Variants in PIGS observed in about 807,000 individuals in gnomAD.
PIGS encodes phosphatidylinositol glycan anchor biosynthesis class S, also known as GPI-anchor transamidase component PIGS.
PIGS carries 37 observed loss-of-function variants against 58.2 expected under a neutral mutation model. The observed-to-expected ratio is 0.64, with a 90% CI of 0.49 to 0.84. The LOEUF (loss-of-function observed/expected upper bound fraction) is 0.84, where lower values mean the gene tolerates loss of function less well. Ranked by LOEUF, PIGS falls within the 40% of genes least tolerant of loss-of-function variation. PIGS has a pLI of 0.00. For missense variants in PIGS, 629 were observed against 710.8 expected (o/e 0.88, Z 1.31); for synonymous variants, 269 against 289.2 (o/e 0.93, Z 0.71).
chr17:28,559,952 T>C, intron 7 of PIGS, 97 bp downstream of exon 7: 1 of 1,449,316 alleles, frequency 6.9e-7, no homozygotes, highest in Non-Finnish European at 9.3e-7. Flanking sequence ...AGGAAATTCC[T>C]AGCAAATCAG....
chr17:28,558,335 C>T, intron 8 of PIGS, 141 bp downstream of exon 8: 1 of 685,740 alleles, frequency 1.5e-6, no homozygotes, highest in Non-Finnish European at 2.5e-6. Context: ...CCTCAATCTC[C>T]ACAGTCTCCT....
chr17:28,555,303 C>G (rs1312956830), intron 10 of PIGS: 4 of 493,252 alleles, frequency 8.1e-6, no homozygotes, highest in African/African-American at 6.0e-5. Context: ...TTTCCAAGAT[C>G]TTGTTTTTTA....
In PIGS at chr17:28,554,973, C is replaced by G; in HGVS notation, c.1270G>C (p.Asp424His). ...TSEGLMTWEL[D>H]RLLWARSVEN... ...ACTGACCGAGCCCAGAGCAGCCGGT[C>G]TAGCTCCCAGGTCATTAGCCCTTCA... Residue 424 changes from aspartate to histidine, a missense_variant, in exon 11 of 12, where the codon GAC (aspartate) becomes CAC (histidine). Asp to His is a moderately conservative substitution (Grantham distance 81). Transcript: ENST00000308360. 2 of 1,611,602 alleles carry G rather than the reference C, an allele frequency of 1.2e-6. No individual in the cohort carries two copies. Among genetic ancestry groups the G allele is most frequent in the South Asian group, 1.1e-5 (1 of 90,720 alleles).
intron 9 of PIGS, 185 bp downstream of exon 9, chr17:28,556,642 G>A: frequency 1.3e-6 from 1 of 768,352 alleles, no homozygotes; most frequent in Admixed American, 2.8e-5. Flanking sequence ...AACACTGGCG[G>A]AAACAAAAGT....
chr17:28,561,759 T>G, intron 5 of PIGS, 130 bp from the exon 6 acceptor site: 1 of 816,022 alleles, frequency 1.2e-6, no homozygotes, highest in Non-Finnish European at 1.9e-6. Context: ...TTGAGATTCA[T>G]GAGCTATTAA....
At position 28,571,138 on chromosome 17, in the gene PIGS, C is replaced by A. The variant is rs866156776; in HGVS notation, c.85G>T (p.Val29Leu). ...TTCCACCAGAGCGGTAGCCCCAGCA[C>A]GATGGCCACCGCAGCGAAGAAGAGG... ...AALFFAAVAI[V>L]LGLPLWWKTT... Residue 29 changes from valine to leucine, a missense_variant, in exon 2 of 12, where the codon GTG (valine) becomes TTG (leucine). Physicochemically the swap from Val to Leu is conservative, Grantham distance 32 (BLOSUM62 1). Coordinates refer to ENST00000308360, the MANE Select transcript of PIGS (RefSeq NM_033198.4). 1 of 1,613,842 alleles carries A rather than the reference C, an allele frequency of 6.2e-7. No individual in the cohort carries two copies. Among genetic ancestry groups the A allele is most frequent in the Middle Eastern group, 1.6e-4 (1 of 6,062 alleles).
intron 10 of PIGS, 133 bp downstream of exon 10, chr17:28,556,033 A>C: frequency 2.7e-6 from 2 of 744,260 alleles, no homozygotes; most frequent in African/African-American, 1.8e-5. Flanking sequence ...GGATCCTTAG[A>C]AACTTTTCTT....
chr17:28,558,683 A>G, intron 7 of PIGS, 93 bp from the exon 8 acceptor site: 2 of 978,088 alleles, frequency 2.0e-6, no homozygotes, highest in South Asian at 3.0e-5. Flanking sequence ...AGACACAATC[A>G]GGACAAGGCA....
At position 28,563,381 on chromosome 17, in the gene PIGS, T is replaced by G. The variant is rs200757015; in HGVS notation, c.468+50A>C. The G allele has an allele frequency of 6.0e-5, 86 of 1,435,364 alleles. No homozygotes were observed. In the Middle Eastern group the frequency reaches 1.8e-3, roughly 29 times the overall value. 88.9% of individuals were successfully genotyped at this position (1,435,364 alleles called of 1,614,324 possible). A position where few individuals can be genotyped will look rare whatever the true frequency, so the allele number is the denominator to read the frequency against. ...ATGCAAGAAGGAGGTGACCCAGGAG[T>G]CCACGAGCTGAAGGGATAAGGCAAA... On this transcript the variant is annotated intron_variant, in intron 5 of 11. Transcript: ENST00000308360.
rs139508651 is a variant in PIGS at position 28,563,886 on chromosome 17, C to T, written c.308G>A (p.Arg103His). The stretch of plus-strand genomic sequence containing the variant: ...AGCCCTCCGATAGGCCTTCTGGAAA[C>T]GGCATTTGATTTTCATTTTGTCTGG... ...PLKYKMKIKCRFQKAYRRALD... is the reference protein window; with the variant it reads ...PLKYKMKIKCHFQKAYRRALD... Residue 103 changes from arginine (R) to histidine (H), a missense_variant, in exon 4 of 12, where the codon CGT (arginine) becomes CAT (histidine). Coordinates refer to ENST00000308360, the MANE Select transcript of PIGS (RefSeq NM_033198.4). The T allele has an allele frequency of 3.3e-5, 53 of 1,613,880 alleles. No homozygotes were observed. The highest frequency in any genetic ancestry group is 6.7e-5 in the African/African-American group (5 of 74,898).
intron 3 of PIGS, among the ~76,000 whole-genome samples, chr17:28,567,929 C>T (rs865815364): frequency 2.0e-5 from 3 of 152,184 alleles, no homozygotes; most frequent in Admixed American, 6.5e-5. Flanking sequence ...GATATCTGCA[C>T]AGTCTATTCC....
At position 28,554,976 on chromosome 17, in the gene PIGS, G is replaced by A; in HGVS notation, c.1267C>T (p.Leu423=). 1.2e-6 allele frequency: 2 copies of A among 1,611,686 alleles called. No homozygotes were observed. The highest frequency in any genetic ancestry group is 1.7e-6 in the Non-Finnish European group (2 of 1,178,646). Residue 423 remains leucine (L), a synonymous_variant, in exon 11 of 12, where the codon CTA becomes TTA. Transcript: ENST00000308360. ...GACCGAGCCCAGAGCAGCCGGTCTA[G>A]CTCCCAGGTCATTAGCCCTTCACTC... is the stretch of plus-strand genomic sequence containing the variant. The part of the protein sequence containing the change: ...PTSEGLMTWE[L]DRLLWARSVE...
chr17:28,560,391 C>A, intron 6 of PIGS, 200 bp from the exon 7 acceptor site: 1 of 579,350 alleles, frequency 1.7e-6, no homozygotes, highest in South Asian at 2.3e-5. Context: ...TGTCTGTAAT[C>A]CCAGCACTTT....
chr17:28,560,222 G>C (rs2070355133), intron 6 of PIGS, 31 bp from the exon 7 acceptor site: 1 of 1,601,842 alleles, frequency 6.2e-7, no homozygotes, highest in Non-Finnish European at 8.5e-7. Flanking sequence ...GAAGTCAGAG[G>C]CTCTTGTGGA....
At chr17:28,555,947 C>A in intron 10 of PIGS, 1 of 482,882 alleles carries the variant, frequency 2.1e-6, no homozygotes, top group Non-Finnish European at 3.7e-6. Flanking sequence ...CCGGCCTGGG[C>A]AACAGAGCAA....
chr17:28,555,989 T>G (rs1209157514), intron 10 of PIGS, 177 bp downstream of exon 10: 2 of 596,472 alleles, frequency 3.4e-6, no homozygotes, highest in Non-Finnish European at 5.9e-6. Flanking sequence ...ATAAATGATT[T>G]TGTCACCTAC....
chr17:28,560,911 G>A (rs907501403), intron 6 of PIGS, among the ~76,000 whole-genome samples: 1 of 152,082 alleles, frequency 6.6e-6, no homozygotes, highest in Non-Finnish European at 1.5e-5. Context: ...CCAAGATCAC[G>A]CCACTGCACT....
chr17:28,564,860 T>C (rs561671495), intron 3 of PIGS, among the ~76,000 whole-genome samples: 5 of 152,164 alleles, frequency 3.3e-5, no homozygotes, highest in South Asian at 4.1e-4. Flanking sequence ...GCCAGGGTAA[T>C]AGAACCAGAC....
intron 3 of PIGS, among the ~76,000 whole-genome samples, chr17:28,569,154 A>T (rs2070412260): frequency 6.6e-6 from 1 of 151,162 alleles, no homozygotes; most frequent in Non-Finnish European, 1.5e-5. Context: ...CAGAGGCTGA[A>T]CCATACGAAA....
Sources: gnomAD v4.1 joint callset for allele counts (sites outside exome capture counted in the v4.1 genomes callset) on GRCh38, gnomAD v4.1.1 for gene constraint, MANE v1.5 for transcripts, NCBI Gene and HGNC (gene_info 2026-07-23, HGNC 2026-07-21) for gene names.